The following SYNJ2 variants were observed in gnomAD, a reference collection of about 807,000 sequenced individuals.
SYNJ2 encodes polyphosphatidylinositol phosphatase SYNJ2.
SYNJ2 carries 116 observed loss-of-function variants against 141.3 expected under a neutral mutation model. The observed-to-expected ratio is 0.82, with a 90% CI of 0.71 to 0.96. SYNJ2 has a LOEUF of 0.96. SYNJ2 is among the 40% of genes least tolerant of loss of function. The pLI, the probability that SYNJ2 is intolerant of heterozygous loss-of-function variation, is 0.00. For missense variants in SYNJ2, 1,873 were observed against 1,934.8 expected (o/e 0.97, Z 0.60); for synonymous variants, 745 against 777.7 (o/e 0.96, Z 0.70).
intron 4 of SYNJ2, among the ~76,000 whole-genome samples, chr6:158,036,482 G>A (rs1779644223): frequency 6.6e-6 from 1 of 152,194 alleles, no homozygotes; most frequent in South Asian, 2.1e-4. Flanking sequence ...GGATGCAGCT[G>A]GAGGCCATTA....
intron 18 of SYNJ2, 179 bp downstream of exon 18, chr6:158,078,460 C>G (rs1782463935): frequency 4.5e-6 from 2 of 440,270 alleles, no homozygotes; most frequent in South Asian, 1.0e-4. Context: ...GACCCACCAC[C>G]AAGAACTAAT....
intron 1 of SYNJ2, among the ~76,000 whole-genome samples, chr6:158,004,253 C>T (rs1392131042): frequency 4.6e-5 from 7 of 152,026 alleles, no homozygotes; most frequent in Non-Finnish European, 1.5e-5. Flanking sequence ...GCATTCTTAG[C>T]CACAGGATGA....
At chr6:158,088,801 C>A in intron 24 of SYNJ2, 29 bp downstream of exon 24, 1 of 1,542,760 alleles carries the variant, frequency 6.5e-7, no homozygotes, top group Non-Finnish European at 9.0e-7. Flanking sequence ...ATTTCAATCC[C>A]AAGGGTTTTG....
rs535468634 is a variant in SYNJ2, at chr6:158,091,463, T to G, written c.3566-1463T>G. 3.1e-4 allele frequency among the ~76,000 whole-genome samples: 45 copies of G among 145,136 alleles called. No individual in the cohort carries two copies. The South Asian group carries it at 9.0e-3, about 29-fold the overall frequency. On this transcript the variant is annotated intron_variant, in intron 25 of 26. Transcript: ENST00000355585. ...CCATTAAAAAAAAAAAGAATGGGGC[T>G]GGGTGCTGGGTGCAGTGGCTCACGC...
At chr6:158,089,777 G>A (rs886644042) in intron 24 of SYNJ2, 62 bp from the exon 25 acceptor site, 26 of 1,289,728 alleles carry the variant, frequency 2.0e-5, no homozygotes, top group Non-Finnish European at 1.8e-5. Flanking sequence ...TAGCAGATAC[G>A]TCCCACGAGG....
At chr6:158,059,547 A>ATTTCT in intron 7 of SYNJ2, 194 bp downstream of exon 7, 2 of 1,329,536 alleles carry the variant, frequency 1.5e-6, no homozygotes, top group Non-Finnish European at 1.9e-6. Flanking sequence ...AGTGAGTGTA[A>ATTTCT]TTTCTTTTCT....
Position 158,093,000 on chromosome 6 carries a change from G to T in SYNJ2, c.3640G>T (p.Gly1214Trp). Residue 1214 changes from glycine (G) to tryptophan (W), a missense_variant, in exon 26 of 27, where the codon GGG (glycine) becomes TGG (tryptophan). By Grantham distance (184) the Gly-to-Trp change is radical (BLOSUM62 -2). Transcript: ENST00000355585. ...EASSEPEPTPGAAKPETPQAP... is the reference protein window; with the variant it reads ...EASSEPEPTPWAAKPETPQAP... ...ATCCTCTGAACCAGAGCCCACACCGGGGGCAGCCAAACCAGAGACCCCACA... is the reference window on the plus strand; with the variant it reads ...ATCCTCTGAACCAGAGCCCACACCGTGGGCAGCCAAACCAGAGACCCCACA... 2 of 1,613,078 alleles carry T rather than the reference G, an allele frequency of 1.2e-6. No homozygotes were observed.
intron 2 of SYNJ2, among the ~76,000 whole-genome samples, chr6:158,024,073 T>C (rs143116509): frequency 1.1e-4 from 16 of 152,322 alleles, no homozygotes; most frequent in Middle Eastern, 3.4e-3. Flanking sequence ...CTTCAATAAA[T>C]ATTTATTCAT....
At chr6:158,031,465 A>G (rs1779356342) in intron 3 of SYNJ2, among the ~76,000 whole-genome samples, 1 of 152,226 alleles carries the variant, frequency 6.6e-6, no homozygotes, top group Admixed American at 6.5e-5. Flanking sequence ...GAGAGGAGGA[A>G]GTAACTCTGG....
At chr6:158,083,370 G>A (rs1782824213) in intron 20 of SYNJ2, 59 bp from the exon 21 acceptor site, 1 of 1,579,416 alleles carries the variant, frequency 6.3e-7, no homozygotes. Flanking sequence ...AGCATTGTGT[G>A]ATCAACAGGA....
At position 158,017,065 on chromosome 6, in the gene SYNJ2, G is replaced by A. The variant is rs1272049298; in HGVS notation, c.128-139G>A. ...CGCGAATCATAAAACCTCCACACTTGGTGTTTGTGGGCCGAGCTATTGTCT... is the reference window on the plus strand; with the variant it reads ...CGCGAATCATAAAACCTCCACACTTAGTGTTTGTGGGCCGAGCTATTGTCT... On this transcript the variant is annotated intron_variant, in intron 1 of 26. Coordinates refer to ENST00000355585, the MANE Select transcript of SYNJ2 (RefSeq NM_003898.4). 2.1e-5 allele frequency: 29 copies of A among 1,375,742 alleles called. No homozygotes were observed. The African/African-American group carries it at 2.3e-4, about 11-fold the overall frequency. 85.2% of individuals were successfully genotyped at this position (1,375,742 alleles called of 1,614,324 possible).
intron 18 of SYNJ2, chr6:158,078,964 T>C (rs1262270636): frequency 6.6e-6 from 1 of 152,098 alleles, no homozygotes; most frequent in Non-Finnish European, 1.5e-5. Flanking sequence ...CTGGCTAATT[T>C]TTGTGTTTTT....
At chr6:158,017,768 G>T (rs1288120165) in intron 2 of SYNJ2, 5 of 532,370 alleles carry the variant, frequency 9.4e-6, no homozygotes, top group African/African-American at 7.7e-5. Context: ...TGCTCCTCCT[G>T]CAGGAACCTG....
intron 1 of SYNJ2, among the ~76,000 whole-genome samples, chr6:158,000,064 C>CTTTTTTTTTTTTTTTTTTTTTTTT (rs58284240): frequency 1.2e-5 from 1 of 85,572 alleles, no homozygotes; most frequent in Non-Finnish European, 2.4e-5. Flanking sequence ...AGCCAAAAGG[C>CTTTTTTTTTTTTTTTTTTTTTTTT]TTTTTTTTTT....
At chr6:158,091,854 T>C (rs1427105547) in intron 25 of SYNJ2, among the ~76,000 whole-genome samples, 1 of 152,002 alleles carries the variant, frequency 6.6e-6, no homozygotes, top group Non-Finnish European at 1.5e-5. Flanking sequence ...GGCCACATAG[T>C]GTACCATCCC....
At chr6:158,062,520 G>A (rs1021585545) in intron 8 of SYNJ2, among the ~76,000 whole-genome samples, 1 of 152,072 alleles carries the variant, frequency 6.6e-6, no homozygotes, top group Non-Finnish European at 1.5e-5. Flanking sequence ...ACGCTGTGAC[G>A]CAGGCCTGTG....
chr6:158,081,761 G>GC (rs1562396426), intron 20 of SYNJ2, among the ~76,000 whole-genome samples: 1 of 151,614 alleles, frequency 6.6e-6, no homozygotes, highest in Non-Finnish European at 1.5e-5. Context: ...AGCTGGGACC[G>GC]CAGGCACGTG....
Position 157,982,198 on chromosome 6 carries a change from C to G in SYNJ2, c.127+110C>G. On this transcript the variant is annotated intron_variant, in intron 1 of 26. Transcript: ENST00000355585. The surrounding 1 kb of genome is among the most constrained non-coding windows in gnomAD (Gnocchi z 4.0). Reference sequence around the variant, plus strand: ...CCGAGGGGATCGGGCGGCGCTGGGACTGCCGGGGCGTAGGGGTCGCGCGCA... The same window carrying G: ...CCGAGGGGATCGGGCGGCGCTGGGAGTGCCGGGGCGTAGGGGTCGCGCGCA... 1.6e-6 allele frequency: 2 copies of G among 1,225,708 alleles called. No individual in the cohort carries two copies. Among genetic ancestry groups the G allele is most frequent in the Non-Finnish European group, 2.0e-6 (2 of 977,526 alleles). 75.9% of individuals were successfully genotyped at this position (1,225,708 alleles called of 1,614,324 possible). A position where few individuals can be genotyped will look rare whatever the true frequency, so the allele number is the denominator to read the frequency against.
At chr6:158,080,244 G>T (rs1466284300) in intron 18 of SYNJ2, among the ~76,000 whole-genome samples, 1 of 152,132 alleles carries the variant, frequency 6.6e-6, no homozygotes, top group Non-Finnish European at 1.5e-5. Flanking sequence ...GGAGGCTGAG[G>T]CAGGCGGATC....
Sources: allele counts gnomAD v4.1 joint callset (sites outside exome capture counted in the v4.1 genomes callset), GRCh38; gene constraint gnomAD v4.1.1; non-coding constraint Gnocchi (gnomAD v3.1); transcripts MANE v1.5; gene names NCBI Gene and HGNC (gene_info 2026-07-23, HGNC 2026-07-21).